SCUBE1: variants seen among roughly 807,000 people sequenced by gnomAD.
SCUBE1 encodes signal peptide, CUB and EGF-like domain-containing protein 1.
In SCUBE1, 59 loss-of-function variants were observed where a neutral mutation model predicts 124.4. The ratio of observed to expected loss-of-function variants is 0.47; its 90% CI spans 0.38 to 0.59. The LOEUF (loss-of-function observed/expected upper bound fraction) is 0.59, where lower values mean the gene tolerates loss of function less well. SCUBE1 is among the 20% of genes least tolerant of loss of function. The pLI, the probability that SCUBE1 is intolerant of heterozygous loss-of-function variation, is 0.00. For synonymous variants in SCUBE1, 545 were observed against 550.9 expected (o/e 0.99, Z 0.15); for missense variants, 1,150 against 1,371.2 (o/e 0.84, Z 2.55).
chr22:43,275,070 G>A (rs1924448851), intron 4 of SCUBE1, among the ~76,000 whole-genome samples: 1 of 152,226 alleles, frequency 6.6e-6, no homozygotes, highest in South Asian at 2.1e-4. Context: ...GGGCACAGGA[G>A]TCAGGCGCTC....
chr22:43,231,978 G>A, intron 7 of SCUBE1, 103 bp from the exon 8 acceptor site: 2 of 1,424,174 alleles, frequency 1.4e-6, no homozygotes, highest in Admixed American at 1.8e-5. Context: ...ACTGCCCTGA[G>A]TTGCCTGGTG....
Position 43,211,137 on chromosome 22 carries a change from C to A in SCUBE1, c.2222-54G>T, listed in dbSNP as rs1268580583. The A allele has an allele frequency of 3.2e-6, 5 of 1,546,294 alleles. No individual in the cohort carries two copies. The highest frequency in any genetic ancestry group is 1.9e-5 in the Admixed American group (1 of 52,030). ...GGTGTGGAGGGGTGCAGGGAAAGGG[C>A]AGCACTGGGGTGCTGTCCCCAGGAC... On this transcript the variant is annotated intron_variant, in intron 17 of 21. Coordinates refer to ENST00000360835, the MANE Select transcript of SCUBE1 (RefSeq NM_173050.5). The surrounding 1 kb of genome is among the most constrained non-coding windows in gnomAD (Gnocchi z 4.5).
chr22:43,211,021 C>G lies in SCUBE1; in HGVS notation c.2284G>C (p.Gly762Arg), dbSNP rs142917989. 6.2e-7 allele frequency: 1 copy of G among 1,614,078 alleles called. No individual in the cohort carries two copies. Among genetic ancestry groups the G allele is most frequent in the East Asian group, 2.2e-5 (1 of 44,886 alleles). Residue 762 changes from glycine to arginine, a missense_variant, in exon 18 of 22, where the codon GGC becomes CGC. Transcript: ENST00000360835. This position sits in a 1 kb window ranked among gnomAD's most constrained non-coding sequence, Gnocchi z 4.5. Reference protein sequence around the residue: ...TTHRCIRCPVGTYQPEFGQNH... With the variant: ...TTHRCIRCPVRTYQPEFGQNH... ...TGGCCAAACTCGGGCTGGTAGGTGCCGACGGGGCAGCGGATGCAGCGGTGG... is the reference window on the plus strand; with the variant it reads ...TGGCCAAACTCGGGCTGGTAGGTGCGGACGGGGCAGCGGATGCAGCGGTGG...
intron 19 of SCUBE1, 64 bp downstream of exon 19, chr22:43,209,979 C>G (rs776220252): frequency 6.7e-6 from 10 of 1,495,810 alleles, no homozygotes; most frequent in Non-Finnish European, 8.1e-6. Flanking sequence ...CTGGCAGAAC[C>G]GCAGCGAGAC....
intron 19 of SCUBE1, among the ~76,000 whole-genome samples, chr22:43,208,589 G>A (rs939828032): frequency 6.6e-6 from 1 of 152,140 alleles, no homozygotes; most frequent in African/African-American, 2.4e-5. Context: ...GCTCAGGCCT[G>A]CACTTGGTGC....
chr22:43,332,237 G>A (rs1224696874), intron 2 of SCUBE1, among the ~76,000 whole-genome samples: 3 of 152,274 alleles, frequency 2.0e-5, no homozygotes, highest in East Asian at 1.9e-4. Context: ...GCAGTGAGCC[G>A]AGATTGAGCC....
intron 15 of SCUBE1, among the ~76,000 whole-genome samples, chr22:43,217,702 C>G (rs907050905): frequency 2.0e-5 from 3 of 152,212 alleles, no homozygotes; most frequent in Non-Finnish European, 4.4e-5. Flanking sequence ...TCCACTAGAA[C>G]TAGGACTGTC....
rs1921022245 is a variant in SCUBE1, at chr22:43,201,845, CCTTCCT to C, written c.*2146_*2151del. 6.6e-6 allele frequency: 1 copy of C among 152,272 alleles called. No individual in the cohort carries two copies. The highest frequency in any genetic ancestry group is 1.5e-5 in the Non-Finnish European group (1 of 68,074). 9.4% of individuals were successfully genotyped at this position (152,272 alleles called of 1,614,324 possible). ...TGAAGAGGCGACACCCCTCCCGGCA[CCTTCCT>C]CAGGAGCTGTTGCTGCAGGCTCACT... On this transcript the variant is annotated 3_prime_UTR_variant, in exon 22 of 22. Coordinates refer to ENST00000360835, the MANE Select transcript of SCUBE1 (RefSeq NM_173050.5).
At chr22:43,284,510 T>G (rs916343079) in intron 4 of SCUBE1, among the ~76,000 whole-genome samples, 1 of 152,184 alleles carries the variant, frequency 6.6e-6, no homozygotes, top group Non-Finnish European at 1.5e-5. Context: ...CCCAGAACCT[T>G]CCCCATTGCT....
intron 3 of SCUBE1, among the ~76,000 whole-genome samples, chr22:43,311,776 T>C (rs1926178765): frequency 6.6e-6 from 1 of 152,068 alleles, no homozygotes; most frequent in Non-Finnish European, 1.5e-5. Flanking sequence ...ATTTCTGGCT[T>C]CCTCATGGAC....
chr22:43,226,352 C>T lies in SCUBE1; in HGVS notation c.1207+1022G>A, dbSNP rs191074463. ...ATGGGTGCGGAAGTGGCCAAGGCTG[C>T]GGCTCTGGGTGGGTGATGGGGCAGG... is the stretch of plus-strand genomic sequence containing the variant. On this transcript the variant is annotated intron_variant, in intron 10 of 21. Transcript: ENST00000360835. 6.9e-4 allele frequency among the ~76,000 whole-genome samples: 105 copies of T among 152,210 alleles called. 2 individuals are homozygous for T. In the East Asian group the frequency reaches 0.019, roughly 27 times the overall value.
At chr22:43,205,709 C>A (rs1320646265) in intron 21 of SCUBE1, among the ~76,000 whole-genome samples, 2 of 108,798 alleles carry the variant, frequency 1.8e-5, no homozygotes, top group Non-Finnish European at 3.7e-5. Context: ...ACCACCCACT[C>A]ACCACACACT....
At chr22:43,298,410 C>G (rs1486942661) in intron 3 of SCUBE1, among the ~76,000 whole-genome samples, 1 of 152,182 alleles carries the variant, frequency 6.6e-6, no homozygotes, top group Non-Finnish European at 1.5e-5. Flanking sequence ...GGGCCTGAGT[C>G]CAAGCTCAGG....
intron 7 of SCUBE1, 139 bp from the exon 8 acceptor site, chr22:43,232,014 T>C (rs2146679471): frequency 1.0e-6 from 1 of 959,132 alleles, no homozygotes; most frequent in Non-Finnish European, 1.6e-6. Context: ...GGCTGCTGGC[T>C]CCCCAGCTGT....
intron 4 of SCUBE1, among the ~76,000 whole-genome samples, chr22:43,279,286 C>A (rs1342803930): frequency 1.3e-5 from 2 of 152,204 alleles, no homozygotes; most frequent in Admixed American, 1.3e-4. Context: ...GGGGCTCAGG[C>A]CCCAGAGGCA....
At chr22:43,247,322 T>TG (rs1923255783) in intron 6 of SCUBE1, among the ~76,000 whole-genome samples, 1 of 152,128 alleles carries the variant, frequency 6.6e-6, no homozygotes, top group South Asian at 2.1e-4. Context: ...GAGCTGGCCC[T>TG]GGGGTGCTGG....
Position 43,255,379 on chromosome 22 carries a change from C to T in SCUBE1, c.727+2840G>A. The T allele has an allele frequency of 2.1e-6, 2 of 955,784 alleles. No homozygotes were observed. The highest frequency in any genetic ancestry group is 1.5e-5 in the South Asian group (1 of 68,194). The allele number at this position is 955,784 out of a possible 1,614,324, so 59.2% of individuals were successfully genotyped here. On this transcript the variant is annotated intron_variant, in intron 6 of 21. Coordinates refer to ENST00000360835, the MANE Select transcript of SCUBE1 (RefSeq NM_173050.5). This position sits in a 1 kb window ranked among gnomAD's most constrained non-coding sequence, Gnocchi z 4.7. ...CCCACACGCACACGTCACACCCACA[C>T]ACAGCACACACACGCCCATGTCCAC...
chr22:43,252,926 G>A (rs1750852113), intron 6 of SCUBE1, among the ~76,000 whole-genome samples: 1 of 149,324 alleles, frequency 6.7e-6, no homozygotes, highest in Non-Finnish European at 1.5e-5. Context: ...TACAACATTG[G>A]GGCAGGATGG....
In SCUBE1 at chr22:43,211,900, G is replaced by A. The variant is rs1018254001; in HGVS notation, c.2221+525C>T. ...CTGGTGATGTGGCTGGCTCCAGGGG[G>A]CTGAGAGCCAGGCCACCTGGACAGA... On this transcript the variant is annotated intron_variant, in intron 17 of 21. Transcript: ENST00000360835. The surrounding 1 kb of genome is among the most constrained non-coding windows in gnomAD (Gnocchi z 4.5). 8.5e-5 allele frequency among the ~76,000 whole-genome samples: 13 copies of A among 152,124 alleles called. No individual in the cohort carries two copies. The highest frequency in any genetic ancestry group is 1.9e-4 in the East Asian group (1 of 5,182).
Sources: allele counts gnomAD v4.1 joint callset (sites outside exome capture counted in the v4.1 genomes callset), GRCh38; gene constraint gnomAD v4.1.1; non-coding constraint Gnocchi (gnomAD v3.1); transcripts MANE v1.5; gene names NCBI Gene and HGNC (gene_info 2026-07-23, HGNC 2026-07-21).